The following WWOX variants were observed in gnomAD, a reference collection of about 807,000 sequenced individuals.
The protein encoded by WWOX is WW domain-containing oxidoreductase.
WWOX carries 69 observed loss-of-function variants against 46.2 expected under a neutral mutation model. The ratio of observed to expected loss-of-function variants is 1.49; its 90% CI spans 1.23 to 1.82. The LOEUF is 1.82. Among genes scored for constraint, WWOX ranks in the 40% most tolerant of loss-of-function variants. The pLI, the probability that WWOX is intolerant of heterozygous loss-of-function variation, is 0.00. For synonymous variants in WWOX, 359 were observed against 202.6 expected (o/e 1.77, Z -6.56); for missense variants, 919 against 542.6 (o/e 1.69, Z -6.89).
Position 78,874,186 on chromosome 16 carries a change from G to A in WWOX, c.1057-337422G>A, listed in dbSNP as rs985917453. The stretch of plus-strand genomic sequence containing the variant: ...CAGGAGAATCGCTTGAACCCAGGAG[G>A]TGAAGGTTGCAGTGAGCTGAGATGG... On this transcript the variant is annotated intron_variant, in intron 8 of 8. Coordinates refer to ENST00000566780, the MANE Select transcript of WWOX (RefSeq NM_016373.4). Among the ~76,000 whole-genome samples the A allele has an allele frequency of 1.3e-4, 20 of 151,404 alleles. No individual in the cohort carries two copies. In the East Asian group the frequency reaches 1.4e-3, roughly 10 times the overall value.
At chr16:78,435,562 C>T (rs1056440840) in intron 8 of WWOX, among the ~76,000 whole-genome samples, 1 of 152,190 alleles carries the variant, frequency 6.6e-6, no homozygotes, top group Admixed American at 6.5e-5. Context: ...AAAGTGGTGA[C>T]ATCGCAAAAA....
chr16:78,688,161 G>GA (rs200093677), intron 8 of WWOX, among the ~76,000 whole-genome samples: 60 of 147,086 alleles, frequency 4.1e-4, no homozygotes, highest in South Asian at 3.4e-3. Context: ...ATATAAGCTA[G>GA]AAAAAAAAAA....
intron 8 of WWOX, among the ~76,000 whole-genome samples, chr16:78,626,591 T>C (rs906188391): frequency 6.6e-6 from 1 of 152,176 alleles, no homozygotes; most frequent in East Asian, 1.9e-4. Flanking sequence ...ATTCACCTGG[T>C]CAAGGTAGTG....
intron 8 of WWOX, among the ~76,000 whole-genome samples, chr16:78,883,115 A>G (rs2044378731): frequency 6.6e-6 from 1 of 152,220 alleles, no homozygotes; most frequent in African/African-American, 2.4e-5. Flanking sequence ...TTCAGGAAGA[A>G]TTGATCACCT....
At chr16:79,140,669 G>A (rs2050072140) in intron 8 of WWOX, among the ~76,000 whole-genome samples, 1 of 152,350 alleles carries the variant, frequency 6.6e-6, no homozygotes, top group Non-Finnish European at 1.5e-5. Context: ...TCTAGATCTG[G>A]ATTTAGAGGC....
At chr16:78,152,802 A>G (rs2034463957) in intron 4 of WWOX, among the ~76,000 whole-genome samples, 1 of 152,248 alleles carries the variant, frequency 6.6e-6, no homozygotes, top group Non-Finnish European at 1.5e-5. Context: ...ACAAAACATT[A>G]CGGCCTCAGC....
chr16:78,893,210 G>T (rs530138321), intron 8 of WWOX, among the ~76,000 whole-genome samples: 2 of 152,102 alleles, frequency 1.3e-5, no homozygotes, highest in African/African-American at 2.4e-5. Flanking sequence ...AAAAAAGTGG[G>T]GATGCCCCTC....
chr16:79,115,017 G>T (rs1342835067), intron 8 of WWOX, among the ~76,000 whole-genome samples: 1 of 152,198 alleles, frequency 6.6e-6, no homozygotes, highest in African/African-American at 2.4e-5. Context: ...TGCTTTCCCA[G>T]CAAAGCCAAG....
At chr16:78,392,406 C>G (rs375552778) in intron 6 of WWOX, among the ~76,000 whole-genome samples, 1 of 152,040 alleles carries the variant, frequency 6.6e-6, no homozygotes, top group South Asian at 2.1e-4. Context: ...GGGCTCCCAC[C>G]GATTGTACAT....
chr16:78,252,765 A>G (rs2038019043), intron 5 of WWOX, among the ~76,000 whole-genome samples: 1 of 152,228 alleles, frequency 6.6e-6, no homozygotes, highest in African/African-American at 2.4e-5. Flanking sequence ...TGTATTATTT[A>G]TAGGATTATA....
At chr16:78,781,496 T>A (rs1375630237) in intron 8 of WWOX, among the ~76,000 whole-genome samples, 1 of 152,232 alleles carries the variant, frequency 6.6e-6, no homozygotes, top group Non-Finnish European at 1.5e-5. Context: ...CTGGCATTAC[T>A]AGGTATAGAC....
intron 8 of WWOX, among the ~76,000 whole-genome samples, chr16:78,567,994 A>G (rs535274620): frequency 2.6e-5 from 4 of 152,300 alleles, no homozygotes; most frequent in African/African-American, 9.6e-5. Context: ...TGTGAAATCT[A>G]GAGCCTCTGT....
At chr16:78,109,097 A>C (rs895386905) in intron 2 of WWOX, among the ~76,000 whole-genome samples, 3 of 152,228 alleles carry the variant, frequency 2.0e-5, no homozygotes, top group Non-Finnish European at 4.4e-5. Flanking sequence ...GTTCTTGGCT[A>C]TACTATGGAA....
chr16:78,867,434 G>C (rs1421438898), intron 8 of WWOX, among the ~76,000 whole-genome samples: 2 of 151,800 alleles, frequency 1.3e-5, no homozygotes, highest in African/African-American at 4.8e-5. Context: ...AGCTATTATA[G>C]TTTCCAATTG....
intron 8 of WWOX, among the ~76,000 whole-genome samples, chr16:78,437,983 CTA>C (rs1353734247): frequency 1.3e-5 from 2 of 152,202 alleles, no homozygotes; most frequent in East Asian, 3.9e-4. Flanking sequence ...ACATATTAGT[CTA>C]TGGGTTTTAA....
chr16:78,764,599 G>A (rs1187532397), intron 8 of WWOX, among the ~76,000 whole-genome samples: 3 of 142,794 alleles, frequency 2.1e-5, no homozygotes, highest in African/African-American at 7.8e-5. Flanking sequence ...TGCCCCGGGT[G>A]GGTTTGGAAG....
At chr16:78,297,228 A>T (rs187138371) in intron 5 of WWOX, among the ~76,000 whole-genome samples, 25 of 152,278 alleles carry the variant, frequency 1.6e-4, no homozygotes, top group African/African-American at 5.5e-4. Flanking sequence ...CGCACGGAGC[A>T]TGCAGCTGTG....
At chr16:78,757,283 C>T (rs938349170) in intron 8 of WWOX, among the ~76,000 whole-genome samples, 1 of 152,154 alleles carries the variant, frequency 6.6e-6, no homozygotes, top group East Asian at 1.9e-4. Flanking sequence ...AACTGTTCAG[C>T]ATTAGGTAAG....
At chr16:78,671,179 T>G (rs1438449114) in intron 8 of WWOX, among the ~76,000 whole-genome samples, 1 of 152,102 alleles carries the variant, frequency 6.6e-6, no homozygotes, top group Non-Finnish European at 1.5e-5. Flanking sequence ...TCCCAGCACT[T>G]TGGGAGGCTG....
Sources: gnomAD v4.1 joint callset for allele counts (sites outside exome capture counted in the v4.1 genomes callset) on GRCh38, gnomAD v4.1.1 for gene constraint, MANE v1.5 for transcripts, NCBI Gene and HGNC (gene_info 2026-07-23, HGNC 2026-07-21) for gene names.